Variants in SMARCA2 observed in about 807,000 individuals in gnomAD.
The protein encoded by SMARCA2 is SWI/SNF related BAF chromatin remodeling complex subunit ATPase 2.
SMARCA2 carries 61 observed loss-of-function variants against 199.8 expected under a neutral mutation model. The observed-to-expected ratio is 0.31, with a 90% confidence interval of 0.25 to 0.38. The LOEUF (loss-of-function observed/expected upper bound fraction) is 0.38. SMARCA2 is among the 10% of genes least tolerant of loss of function. SMARCA2 has a pLI of 1.00. For synonymous variants in SMARCA2, 935 were observed against 732.0 expected, an observed-to-expected ratio of 1.28 and a Z score of -4.48; for missense variants, 1,344 against 2,012.2, an observed-to-expected ratio of 0.67 and a Z score of 6.35.
rs568270045 is a variant in SMARCA2, at chr9:2,131,321, G to T, written c.3981+7384G>T. Among the ~76,000 whole-genome samples the T allele has an allele frequency of 1.8e-3, 271 of 152,274 alleles. 1 individual carries two copies. The highest frequency in any genetic ancestry group is 3.9e-3 in the Admixed American group (59 of 15,292). On this transcript the variant is annotated intron_variant, in intron 27 of 33. Coordinates refer to ENST00000349721, the MANE Select transcript of SMARCA2 (RefSeq NM_003070.5). The stretch of plus-strand genomic sequence containing the variant: ...TATCTACTATGGGGTCCTTATGTCT[G>T]AATGTGTAGACACTTCTTTTGGTAT...
At chr9:2,150,114 A>C (rs1023222370) in intron 27 of SMARCA2, among the ~76,000 whole-genome samples, 1 of 151,570 alleles carries the variant, frequency 6.6e-6, no homozygotes, top group African/African-American at 2.4e-5. Context: ...GAGTGCAAGG[A>C]ATTAGAACCT....
At chr9:2,171,632 A>T (rs921912027) in intron 29 of SMARCA2, among the ~76,000 whole-genome samples, 2 of 152,240 alleles carry the variant, frequency 1.3e-5, no homozygotes, top group Non-Finnish European at 2.9e-5. Flanking sequence ...TGCCATTATG[A>T]GAAAGAACTC....
In SMARCA2 at chr9:2,039,743, G is replaced by C; in HGVS notation, c.633G>C (p.Thr211=). 1 of 1,613,970 alleles carries C rather than the reference G, an allele frequency of 6.2e-7. No homozygotes were observed. Among genetic ancestry groups the C allele is most frequent in the Non-Finnish European group, 8.5e-7 (1 of 1,180,012 alleles). ...AGCTTGCAGTCCAGGGGAAAAGGACGTTGCCTGGCTTGCAGCAACAACAGC... is the reference window on the plus strand; with the variant it reads ...AGCTTGCAGTCCAGGGGAAAAGGACCTTGCCTGGCTTGCAGCAACAACAGC... The part of the protein sequence containing the change: ...TLQLAVQGKR[T]LPGLQQQQQQ... The change falls in exon 4 of 34, where the codon ACG becomes ACC. Residue 211 remains threonine (T), a synonymous_variant. Transcript: ENST00000349721. This position sits in a 1 kb window ranked among gnomAD's most constrained non-coding sequence, Gnocchi z 4.8.
chr9:2,063,364 C>T (rs2130375075), intron 9 of SMARCA2, among the ~76,000 whole-genome samples: 1 of 152,288 alleles, frequency 6.6e-6, no homozygotes, highest in South Asian at 2.1e-4. Flanking sequence ...ATCTGTAGTT[C>T]TTCTTCCCTC....
chr9:2,181,378 A>G (rs1827012236), intron 29 of SMARCA2, 193 bp from the exon 30 acceptor site: 2 of 484,972 alleles, frequency 4.1e-6, no homozygotes, highest in African/African-American at 2.0e-5. Context: ...ATTGTATTTT[A>G]CTGTGATCTT....
intron 27 of SMARCA2, among the ~76,000 whole-genome samples, chr9:2,139,117 C>A (rs1290872724): frequency 1.3e-5 from 2 of 152,158 alleles, no homozygotes; most frequent in Non-Finnish European, 1.5e-5. Flanking sequence ...GTAAAGGGAG[C>A]ACCTGCTTGC....
chr9:2,130,829 T>C (rs1036607990), intron 27 of SMARCA2, among the ~76,000 whole-genome samples: 2 of 152,166 alleles, frequency 1.3e-5, no homozygotes, highest in Non-Finnish European at 2.9e-5. Flanking sequence ...AGGCATTCCA[T>C]CTACCTAAAT....
chr9:2,145,972 G>C (rs1824721284), intron 27 of SMARCA2, among the ~76,000 whole-genome samples: 1 of 152,172 alleles, frequency 6.6e-6, no homozygotes, highest in Non-Finnish European at 1.5e-5. Context: ...ACAAAGGTGG[G>C]AATAAATATG....
chr9:2,145,102 C>A (rs1824669140), intron 27 of SMARCA2, among the ~76,000 whole-genome samples: 1 of 152,072 alleles, frequency 6.6e-6, no homozygotes, highest in Non-Finnish European at 1.5e-5. Context: ...GAGTTCGAAA[C>A]CAGTCTGGCC....
chr9:2,132,870 G>C (rs1367553467), intron 27 of SMARCA2, among the ~76,000 whole-genome samples: 1 of 152,124 alleles, frequency 6.6e-6, no homozygotes, highest in Non-Finnish European at 1.5e-5. Flanking sequence ...CTGAAATCCA[G>C]TGACTAGATT....
At chr9:2,143,857 C>G (rs979007303) in intron 27 of SMARCA2, among the ~76,000 whole-genome samples, 1 of 152,136 alleles carries the variant, frequency 6.6e-6, no homozygotes, top group African/African-American at 2.4e-5. Flanking sequence ...ATTTTTGAAG[C>G]CATATGCATT....
chr9:2,171,552 A>T (rs539135193), intron 29 of SMARCA2, among the ~76,000 whole-genome samples: 2 of 152,370 alleles, frequency 1.3e-5, no homozygotes, highest in African/African-American at 4.8e-5. Flanking sequence ...GTAAACAATG[A>T]CTAATCCTGG....
chr9:2,019,484 G>T (rs1818510651), intron 1 of SMARCA2, among the ~76,000 whole-genome samples: 1 of 143,760 alleles, frequency 7.0e-6, no homozygotes. Flanking sequence ...AACACCTGAG[G>T]CTTAGAATTG....
rs1313202668 is a variant in SMARCA2, at chr9:2,017,265, G to C, written c.-37+1861G>C. 1 of 150,750 alleles carries C rather than the reference G, an allele frequency of 6.6e-6. No homozygotes were observed. The highest frequency in any genetic ancestry group is 1.5e-5 in the Non-Finnish European group (1 of 67,754). The allele number at this position is 150,750 out of a possible 1,614,324, so 9.3% of individuals were successfully genotyped here. A position where few individuals can be genotyped will look rare whatever the true frequency, so the allele number is the denominator to read the frequency against. The stretch of plus-strand genomic sequence containing the variant: ...GTGGGGTGGAGGGAAGTTGGACGTG[G>C]ATCAGGCAGGAAAAAAAAAGTTTGG... On this transcript the variant is annotated intron_variant, in intron 1 of 33. Transcript: ENST00000349721. This position sits in a 1 kb window ranked among gnomAD's most constrained non-coding sequence, Gnocchi z 8.8.
rs745662991 is a variant in SMARCA2, at chr9:2,123,895, C to T, written c.3939C>T (p.Asp1313=). ...IFGRGSRQRR[D]VDYSDALTEK... The stretch of plus-strand genomic sequence containing the variant: ...GGAGGGGGTCCCGCCAGCGCCGTGA[C>T]GTGGACTACAGTGACGCCCTCACGG... The change falls in exon 27 of 34, where the codon GAC becomes GAT. Residue 1313 remains aspartate (D), a synonymous_variant. Coordinates refer to ENST00000349721, the MANE Select transcript of SMARCA2 (RefSeq NM_003070.5). The surrounding 1 kb of genome is among the most constrained non-coding windows in gnomAD (Gnocchi z 4.1). The T allele has an allele frequency of 1.5e-5, 24 of 1,591,830 alleles. No individual in the cohort carries two copies. The East Asian group carries it at 1.8e-4, about 12-fold the overall frequency.
At chr9:2,015,499 T>G (rs1818315260) in intron 1 of SMARCA2, 95 bp downstream of exon 1, 1 of 152,674 alleles carries the variant, frequency 6.5e-6, no homozygotes, top group East Asian at 1.9e-4. Flanking sequence ...CACGCCGCCT[T>G]CGCCCGGGAT....
At position 2,056,109 on chromosome 9, in the gene SMARCA2, T is replaced by A. The variant is rs1820342750; in HGVS notation, c.1174-563T>A. ...GATCTGAAATAAGTTCATGATATAA[T>A]ATAAAATGTAGATCTCTTGGAAAGA... On this transcript the variant is annotated intron_variant, in intron 6 of 33. Coordinates refer to ENST00000349721, the MANE Select transcript of SMARCA2 (RefSeq NM_003070.5). The surrounding 1 kb of genome is among the most constrained non-coding windows in gnomAD (Gnocchi z 4.0). 6.6e-6 allele frequency among the ~76,000 whole-genome samples: 1 copy of A among 152,176 alleles called. No individual in the cohort carries two copies. Among genetic ancestry groups the A allele is most frequent in the African/African-American group, 2.4e-5 (1 of 41,438 alleles).
chr9:2,190,917 T>C (rs958986463), intron 32 of SMARCA2, among the ~76,000 whole-genome samples: 3 of 152,236 alleles, frequency 2.0e-5, no homozygotes, highest in Admixed American at 6.5e-5. Flanking sequence ...AAAAGTTCTA[T>C]TAAATGATTG....
intron 29 of SMARCA2, among the ~76,000 whole-genome samples, chr9:2,176,292 A>G (rs1380116049): frequency 1.3e-5 from 2 of 151,322 alleles, no homozygotes; most frequent in African/African-American, 4.9e-5. Context: ...CAACTGTTAA[A>G]CGTTTTGGCT....
Sources: gnomAD v4.1 joint callset for allele counts (sites outside exome capture counted in the v4.1 genomes callset) on GRCh38, gnomAD v4.1.1 for gene constraint, Gnocchi (gnomAD v3.1) non-coding constraint, MANE v1.5 for transcripts, NCBI Gene and HGNC (gene_info 2026-07-23, HGNC 2026-07-21) for gene names.